The following GAB2 variants were observed in gnomAD, a reference collection of about 807,000 sequenced individuals.
GAB2 encodes GRB2-associated-binding protein 2.
In GAB2, 26 loss-of-function variants were observed where a neutral mutation model predicts 65.5. The observed-to-expected ratio is 0.40, with a 90% CI of 0.29 to 0.55. The LOEUF (loss-of-function observed/expected upper bound fraction) is 0.55. Ranked by LOEUF, GAB2 falls within the 20% of genes least tolerant of loss-of-function variation. GAB2 has a pLI of 0.53. For missense variants in GAB2, 884 were observed against 875.8 expected, an observed-to-expected ratio of 1.01 and a Z score of -0.12; for synonymous variants, 321 against 329.6, an observed-to-expected ratio of 0.97 and a Z score of 0.28.
Position 78,300,526 on chromosome 11 carries a change from A to AAAC in GAB2, c.76-19626_76-19625insGTT, listed in dbSNP as rs1554985531. On this transcript the variant is annotated intron_variant, in intron 1 of 9. Coordinates refer to ENST00000361507, the MANE Select transcript of GAB2 (RefSeq NM_080491.3). ...CTACGTTTAATTTTATAAAAAAACA[A>AAAC]AAAAACAAAAAACTACCACATTGTT... is the stretch of plus-strand genomic sequence containing the variant. 5.5e-5 allele frequency among the ~76,000 whole-genome samples: 8 copies of AAAC among 145,520 alleles called. No homozygotes were observed. In the East Asian group the frequency reaches 1.0e-3, roughly 18 times the overall value.
At chr11:78,383,798 AGT>A (rs575853823) in intron 1 of GAB2, among the ~76,000 whole-genome samples, 6 of 152,018 alleles carry the variant, frequency 3.9e-5, no homozygotes, top group Non-Finnish European at 8.8e-5. Context: ...TCCCAGGAGT[AGT>A]GAGTCAGGGT....
chr11:78,235,454 G>A (rs1412691935), intron 3 of GAB2, among the ~76,000 whole-genome samples: 1 of 152,092 alleles, frequency 6.6e-6, no homozygotes, highest in Non-Finnish European at 1.5e-5. Flanking sequence ...GCCCGGCTGG[G>A]TGTTTCTTTT....
At chr11:78,367,807 T>G (rs1249561294) in intron 1 of GAB2, among the ~76,000 whole-genome samples, 3 of 150,154 alleles carry the variant, frequency 2.0e-5, no homozygotes, top group African/African-American at 7.5e-5. Context: ...ATGTCAGTGC[T>G]TAATTTTCTT....
intron 1 of GAB2, among the ~76,000 whole-genome samples, chr11:78,285,160 G>T (rs1201461485): frequency 6.6e-6 from 1 of 152,196 alleles, no homozygotes; most frequent in Non-Finnish European, 1.5e-5. Flanking sequence ...ATTTTAAAAA[G>T]ATCTGTTTCT....
intron 1 of GAB2, among the ~76,000 whole-genome samples, chr11:78,408,789 C>G (rs1274233326): frequency 6.6e-6 from 1 of 152,022 alleles, no homozygotes; most frequent in Non-Finnish European, 1.5e-5. Flanking sequence ...GTGTGTAGTA[C>G]CTCTCCCCTC....
At chr11:78,322,641 G>C (rs1295539238) in intron 1 of GAB2, among the ~76,000 whole-genome samples, 1 of 151,834 alleles carries the variant, frequency 6.6e-6, no homozygotes, top group Non-Finnish European at 1.5e-5. Flanking sequence ...TTATAAAGTG[G>C]GCAAAGGACA....
At chr11:78,300,695 G>GGTTTTTTTTTTTT (rs1554985600) in intron 1 of GAB2, among the ~76,000 whole-genome samples, 1 of 113,250 alleles carries the variant, frequency 8.8e-6, no homozygotes, top group Non-Finnish European at 1.8e-5. Context: ...GTTTTTTTTT[G>GGTTTTTTTTTTTT]TTTTTTTTTT....
At chr11:78,366,687 G>A (rs1439095322) in intron 1 of GAB2, among the ~76,000 whole-genome samples, 1 of 147,714 alleles carries the variant, frequency 6.8e-6, no homozygotes, top group Non-Finnish European at 1.5e-5. Context: ...CAGGGGTTAA[G>A]GATTATCAAA....
intron 3 of GAB2, among the ~76,000 whole-genome samples, chr11:78,237,597 T>A (rs775710999): frequency 6.6e-6 from 1 of 152,190 alleles, no homozygotes; most frequent in Non-Finnish European, 1.5e-5. Flanking sequence ...TGACTGTACT[T>A]CAATTTCTTC....
At chr11:78,302,095 A>T (rs1010797712) in intron 1 of GAB2, among the ~76,000 whole-genome samples, 1 of 152,244 alleles carries the variant, frequency 6.6e-6, no homozygotes, top group Non-Finnish European at 1.5e-5. Context: ...TTCTATTAAG[A>T]TAACAGAAGA....
At chr11:78,356,327 G>T (rs922309149) in intron 1 of GAB2, among the ~76,000 whole-genome samples, 2 of 152,140 alleles carry the variant, frequency 1.3e-5, no homozygotes, top group African/African-American at 4.8e-5. Context: ...TGAGAGGTTA[G>T]TACTAACAAC....
Position 78,297,696 on chromosome 11 carries a change from T to G in GAB2, c.76-16795A>C, listed in dbSNP as rs979014586. On this transcript the variant is annotated intron_variant, in intron 1 of 9. Coordinates refer to ENST00000361507, the MANE Select transcript of GAB2 (RefSeq NM_080491.3). ...AGCAAAAGGCAGGGGTAGATTGAAG[T>G]TTAGATTTTATCTTAAATAAAATCC... Among the ~76,000 whole-genome samples, 6 of 152,310 alleles carry G rather than the reference T, an allele frequency of 3.9e-5. No individual in the cohort carries two copies. In the East Asian group the frequency reaches 1.2e-3, roughly 29 times the overall value.
Position 78,417,675 on chromosome 11 carries a change from A to G in GAB2, c.46T>C (p.Ser16Pro). The change falls in exon 1 of 10, where the codon TCG becomes CCG. Residue 16 changes from serine to proline, a missense_variant. Transcript: ENST00000361507. ...CGCCTCAACTTCTTCTCGGGAGGCG[A>G]TTTCCTCAGCCAGCCGGTGCACACC... ...DVVCTGWLRKSPPEKKLRRYA... is the reference protein window; with the variant it reads ...DVVCTGWLRKPPPEKKLRRYA... 7.2e-7 allele frequency: 1 copy of G among 1,389,696 alleles called. No homozygotes were observed. The highest frequency in any genetic ancestry group is 9.5e-7 in the Non-Finnish European group (1 of 1,049,130). The allele number at this position is 1,389,696 out of a possible 1,614,324, so 86.1% of individuals were successfully genotyped here. A position where few individuals can be genotyped will look rare whatever the true frequency, so the allele number is the denominator to read the frequency against.
chr11:78,246,820 A>C (rs1865311803), intron 3 of GAB2, among the ~76,000 whole-genome samples: 1 of 152,088 alleles, frequency 6.6e-6, no homozygotes, highest in Non-Finnish European at 1.5e-5. Context: ...TTTTTATAGG[A>C]AATCAACCTG....
At chr11:78,308,963 T>C (rs1855429992) in intron 1 of GAB2, among the ~76,000 whole-genome samples, 2 of 152,002 alleles carry the variant, frequency 1.3e-5, no homozygotes, top group South Asian at 4.2e-4. Flanking sequence ...ATGCTGAGGG[T>C]AGGAGAAGTC....
At chr11:78,374,256 T>C (rs1039397497) in intron 1 of GAB2, among the ~76,000 whole-genome samples, 2 of 152,242 alleles carry the variant, frequency 1.3e-5, no homozygotes, top group Non-Finnish European at 2.9e-5. Flanking sequence ...TCAAATCTCA[T>C]GACCTGCCAT....
At chr11:78,222,050 T>C (rs2134456091) in intron 7 of GAB2, 55 bp downstream of exon 7, 1 of 1,138,938 alleles carries the variant, frequency 8.8e-7, no homozygotes, top group South Asian at 1.2e-5. Context: ...ACCACATCAC[T>C]CATTTTCCCT....
intron 1 of GAB2, among the ~76,000 whole-genome samples, chr11:78,351,979 G>A (rs1020964670): frequency 1.3e-5 from 2 of 152,146 alleles, no homozygotes; most frequent in Non-Finnish European, 2.9e-5. Flanking sequence ...TTGGGAGGCC[G>A]AAGTGGAAGG....
At chr11:78,346,381 A>G (rs908238741) in intron 1 of GAB2, among the ~76,000 whole-genome samples, 8 of 152,140 alleles carry the variant, frequency 5.3e-5, no homozygotes, top group African/African-American at 1.7e-4. Context: ...AGGAAATAAT[A>G]TAAGCACACA....
Sources: allele counts gnomAD v4.1 joint callset (sites outside exome capture counted in the v4.1 genomes callset), GRCh38; gene constraint gnomAD v4.1.1; transcripts MANE v1.5; gene names NCBI Gene and HGNC (gene_info 2026-07-23, HGNC 2026-07-21).